The following LRRC9 variants were observed in gnomAD, a reference collection of about 807,000 sequenced individuals.
LRRC9 encodes leucine rich repeat containing 9.
LRRC9 carries 122 observed loss-of-function variants against 63.2 expected under a neutral mutation model. The ratio of observed to expected loss-of-function variants is 1.93; its 90% CI spans 1.67 to 2.24. LRRC9 has a LOEUF of 2.24. LRRC9 is among the 30% of genes most tolerant of loss of function. The probability of loss-of-function intolerance (pLI) is 0.00; values close to 1 mark genes in which losing one functional copy is unlikely to be tolerated. For synonymous variants in LRRC9, 366 were observed against 213.1 expected (o/e 1.72, Z -6.25); for missense variants, 1,071 against 627.7 (o/e 1.71, Z -7.55).
At chr14:59,946,337 A>G (rs1882388787) in intron 8 of LRRC9, among the ~76,000 whole-genome samples, 1 of 151,120 alleles carries the variant, frequency 6.6e-6, no homozygotes, top group Non-Finnish European at 1.5e-5. Flanking sequence ...GATTATTTCC[A>G]TAAAAATCAC....
rs1893027207 is a variant in LRRC9 at position 60,042,364 on chromosome 14, C to G, written c.3990+10301C>G. On this transcript the variant is annotated intron_variant, in intron 29 of 31. Transcript: ENST00000445360. This position sits in a 1 kb window ranked among gnomAD's most constrained non-coding sequence, Gnocchi z 4.2. ...CCCCCAGAGGTGGAGTCTACAGAGGCAGGCAGGCCTCCTTGAGCTGTGGTG... is the reference window on the plus strand; with the variant it reads ...CCCCCAGAGGTGGAGTCTACAGAGGGAGGCAGGCCTCCTTGAGCTGTGGTG... 6.6e-6 allele frequency among the ~76,000 whole-genome samples: 1 copy of G among 152,220 alleles called. No homozygotes were observed.
Position 59,960,888 on chromosome 14 carries a change from G to A in LRRC9, c.1080-26G>A, listed in dbSNP as rs556533217. The stretch of plus-strand genomic sequence containing the variant: ...TTGCGATTTTTAGATCATTCTAATA[G>A]CTGTATGTATTTTTCTCTCCAATAG... On this transcript the variant is annotated intron_variant, in intron 9 of 31. Transcript: ENST00000445360. 5.6e-5 allele frequency: 34 copies of A among 605,888 alleles called. No individual in the cohort carries two copies. The East Asian group carries it at 9.3e-4, about 17-fold the overall frequency. The allele number at this position is 605,888 out of a possible 1,614,324, so 37.5% of individuals were successfully genotyped here. A position where few individuals can be genotyped will look rare whatever the true frequency, so the allele number is the denominator to read the frequency against.
At position 59,978,236 on chromosome 14, in the gene LRRC9, C is replaced by T. The variant is rs1334066532; in HGVS notation, c.1878+104C>T. 12 of 597,292 alleles carry T rather than the reference C, an allele frequency of 2.0e-5. No individual in the cohort carries two copies. In the East Asian group the frequency reaches 2.3e-4, roughly 11 times the overall value. 37.0% of individuals were successfully genotyped at this position (597,292 alleles called of 1,614,324 possible). A position where few individuals can be genotyped will look rare whatever the true frequency, so the allele number is the denominator to read the frequency against. On this transcript the variant is annotated intron_variant, in intron 15 of 31. Coordinates refer to ENST00000445360, the Ensembl canonical transcript of LRRC9. ...TGCTATGTCAAGTTTATATTATGTG[C>T]ATGTGTGTATAATTGTTATTTTGTG... is the stretch of plus-strand genomic sequence containing the variant.
At chr14:59,982,008 A>G (rs748301647) in exon 16 of LRRC9, 1 of 702,612 alleles carries the variant, frequency 1.4e-6, no homozygotes, top group South Asian at 1.5e-5. Flanking sequence ...ATTAGTTTGG[A>G]TGATAAAACA....
At position 60,012,077 on chromosome 14, in the gene LRRC9, T is replaced by A. The variant is rs73306068; in HGVS notation, c.3186+3863T>A. ...TCAAAGTGAGGCTCTAATACTTTCA[T>A]TTATTAAACATATGTAGAAAAAGAA... On this transcript the variant is annotated intron_variant, in intron 23 of 31. Coordinates refer to ENST00000445360, the Ensembl canonical transcript of LRRC9. Among the ~76,000 whole-genome samples the A allele has an allele frequency of 6.3e-3, 960 of 152,294 alleles. 20 individuals are homozygous for A. The highest frequency in any genetic ancestry group is 0.057 in the East Asian group (296 of 5,180).
chr14:59,978,031 C>A, exon 15 of LRRC9: 1 of 700,222 alleles, frequency 1.4e-6, no homozygotes, highest in Non-Finnish European at 2.6e-6. Flanking sequence ...TGTCATGGGA[C>A]AAAGAAACTG....
intron 17 of LRRC9, among the ~76,000 whole-genome samples, chr14:59,993,586 C>T (rs1310700318): frequency 6.6e-6 from 1 of 152,164 alleles, no homozygotes; most frequent in Non-Finnish European, 1.5e-5. Context: ...TGCAGAGACA[C>T]ACATAGGCTC....
chr14:60,054,701 G>T (rs1400387329), intron 30 of LRRC9, among the ~76,000 whole-genome samples: 2 of 151,894 alleles, frequency 1.3e-5, no homozygotes, highest in East Asian at 3.9e-4. Flanking sequence ...AAAGATTGAT[G>T]AATGCATGTA....
chr14:60,038,735 T>C (rs1205653404), intron 29 of LRRC9, among the ~76,000 whole-genome samples: 1 of 152,184 alleles, frequency 6.6e-6, no homozygotes, highest in Non-Finnish European at 1.5e-5. Context: ...GACTTCCTCT[T>C]TTCCTAACTG....
intron 10 of LRRC9, among the ~76,000 whole-genome samples, chr14:59,965,549 C>T (rs1485794646): frequency 6.6e-6 from 1 of 152,038 alleles, no homozygotes; most frequent in Non-Finnish European, 1.5e-5. Context: ...CGATCACATT[C>T]AGGATGGATT....
chr14:60,001,693 T>G (rs2140208202), intron 19 of LRRC9, among the ~76,000 whole-genome samples: 1 of 152,178 alleles, frequency 6.6e-6, no homozygotes, highest in African/African-American at 2.4e-5. Flanking sequence ...TTAAACTGGT[T>G]TCATGGGTGG....
At chr14:60,066,390 A>T (rs182560649), downstream of LRRC9, among the ~76,000 whole-genome samples, 14 of 152,232 alleles carry the variant, frequency 9.2e-5, no homozygotes, top group Admixed American at 9.2e-4. Context: ...ATTAAATATT[A>T]CTTACATAAA....
In LRRC9 at chr14:59,990,345, T is replaced by A. The variant is rs906053601; in HGVS notation, c.2211+5121T>A. Among the ~76,000 whole-genome samples, 1 of 152,180 alleles carries A rather than the reference T, an allele frequency of 6.6e-6. No individual in the cohort carries two copies. The highest frequency in any genetic ancestry group is 1.5e-5 in the Non-Finnish European group (1 of 68,028). On this transcript the variant is annotated intron_variant, in intron 17 of 31. Coordinates refer to ENST00000445360, the Ensembl canonical transcript of LRRC9. This position sits in a 1 kb window ranked among gnomAD's most constrained non-coding sequence, Gnocchi z 4.2. ...GAAGAGAGTCCTAGTGGAATAGTTT[T>A]TAGATTCACAGGGGCTCGACTGCTC... is the stretch of plus-strand genomic sequence containing the variant.
At chr14:60,029,802 G>A (rs1891849848) in intron 28 of LRRC9, among the ~76,000 whole-genome samples, 1 of 152,090 alleles carries the variant, frequency 6.6e-6, no homozygotes, top group African/African-American at 2.4e-5. Flanking sequence ...ATGAAGAAGT[G>A]AGCATTATTG....
At chr14:59,948,391 G>A (rs1292848805) in intron 8 of LRRC9, among the ~76,000 whole-genome samples, 2 of 141,464 alleles carry the variant, frequency 1.4e-5, no homozygotes, top group Non-Finnish European at 3.0e-5. Flanking sequence ...TTGCTTATCA[G>A]CTTAAGGAGA....
intron 25 of LRRC9, 102 bp from the exon 26 acceptor site, chr14:60,019,019 A>G: frequency 2.0e-6 from 1 of 499,314 alleles, no homozygotes; most frequent in East Asian, 3.2e-5. Context: ...TTGTTGTTTT[A>G]GCACTAATAT....
chr14:59,968,735 G>T (rs1885136491), intron 12 of LRRC9, among the ~76,000 whole-genome samples: 1 of 152,170 alleles, frequency 6.6e-6, no homozygotes, highest in Admixed American at 6.5e-5. Flanking sequence ...GTAAGGGAAG[G>T]ATGAGGCTAA....
chr14:60,048,211 A>G (rs1893594167), intron 29 of LRRC9, among the ~76,000 whole-genome samples: 2 of 152,136 alleles, frequency 1.3e-5, no homozygotes, highest in Non-Finnish European at 2.9e-5. Flanking sequence ...TTAACAACCT[A>G]ACATCACAAC....
chr14:59,944,368 T>C (rs1017969981), intron 7 of LRRC9, among the ~76,000 whole-genome samples: 1 of 151,926 alleles, frequency 6.6e-6, no homozygotes. Context: ...CCTCACACTT[T>C]ATGCCTCACA....
Sources: allele counts gnomAD v4.1 joint callset (sites outside exome capture counted in the v4.1 genomes callset), GRCh38; gene constraint gnomAD v4.1.1; non-coding constraint Gnocchi (gnomAD v3.1); transcripts MANE v1.5; gene names NCBI Gene and HGNC (gene_info 2026-07-23, HGNC 2026-07-21).